The following CACNA1F variants were observed in gnomAD, a reference collection of about 807,000 sequenced individuals.
The protein encoded by CACNA1F is calcium voltage-gated channel subunit alpha1 F, also known as voltage-dependent L-type calcium channel subunit alpha-1F.
A neutral mutation model predicts 143.8 loss-of-function variants in CACNA1F; 59 were observed. The observed-to-expected ratio is 0.41, with a 90% CI of 0.33 to 0.51. The LOEUF (loss-of-function observed/expected upper bound fraction) is 0.51, where lower values mean the gene tolerates loss of function less well. Ranked by LOEUF, CACNA1F falls within the 20% of genes least tolerant of loss-of-function variation. The probability of loss-of-function intolerance (pLI) is 0.22; values close to 1 mark genes in which losing one functional copy is unlikely to be tolerated. For missense variants in CACNA1F, 1,411 were observed against 1,647.5 expected, an observed-to-expected ratio of 0.86 and a Z score of 2.48; for synonymous variants, 643 against 649.1, an observed-to-expected ratio of 0.99 and a Z score of 0.14.
rs1392622274 is a variant in CACNA1F at position 49,216,428 on chromosome X, C to A, written c.3190G>T (p.Ala1064Ser). 3 of 1,208,909 alleles carry A rather than the reference C, an allele frequency of 2.5e-6. No individual in the cohort carries two copies. Among genetic ancestry groups the A allele is most frequent in the African/African-American group, 3.5e-5 (2 of 57,218 alleles). Reference sequence around the variant, plus strand: ...GAGACAGTGAACAGGGCCATCATGGCTGAAAGGACATTGTCAAAGTTGAAA... The same window carrying A: ...GAGACAGTGAACAGGGCCATCATGGATGAAAGGACATTGTCAAAGTTGAAA... ...SDFNFDNVLS[A>S]MMALFTVSTF... Residue 1064 changes from alanine (A) to serine (S), a missense_variant, in exon 27 of 48, where the codon GCC (alanine) becomes TCC (serine). Around this residue, in one of 3 missense-constraint regions of CACNA1F, gnomAD observed 950 missense variants for 1,128.1 expected, o/e 0.84. Coordinates refer to ENST00000323022, the MANE Select transcript of CACNA1F (RefSeq NM_001256789.3).
At chrX:49,228,195 G>A in intron 7 of CACNA1F, 56 bp from the exon 8 acceptor site, 2 of 1,187,767 alleles carry the variant, frequency 1.7e-6, no homozygotes, top group East Asian at 5.9e-5. Context: ...CTGCGTGAGT[G>A]TCAGGGAGGA....
chrX:49,214,129 T>C, intron 30 of CACNA1F, 30 bp downstream of exon 30: 1 of 956,685 alleles, frequency 1.0e-6, no homozygotes, highest in Non-Finnish European at 1.5e-6. Flanking sequence ...ATTCATCCAC[T>C]GGTGGGTGGG....
rs782049869 is a variant in CACNA1F, at chrX:49,205,157, C to A, written c.5881G>T (p.Ala1961Ser). The change falls in exon 48 of 48, where the codon GCC (alanine) becomes TCC (serine). Residue 1961 changes from alanine to serine, a missense_variant. By Grantham distance (99) the Ala-to-Ser change is moderately conservative. This residue lies in a region of CACNA1F where 349 missense variants were observed against 350.2 expected (regional missense o/e 1.00). Coordinates refer to ENST00000323022, the MANE Select transcript of CACNA1F (RefSeq NM_001256789.3). ...FDEEDLGDEM[A>S]CVHAL ...GGAATTCAGAGGGCGTGGACGCAGG[C>A]CATCTCGTCTCCCAAGTCCTCCTCA... 10 of 1,206,968 alleles carry A rather than the reference C, an allele frequency of 8.3e-6. No individual in the cohort carries two copies. The East Asian group carries it at 2.7e-4, about 32-fold the overall frequency.
chrX:49,216,590 G>T, intron 26 of CACNA1F, 62 bp from the exon 27 acceptor site: 1 of 1,050,696 alleles, frequency 9.5e-7, no homozygotes, highest in Non-Finnish European at 1.3e-6. Context: ...AAAGGGTCTG[G>T]GGTCTCCAGC....
At chrX:49,208,831 A>G in intron 42 of CACNA1F, 147 bp from the exon 43 acceptor site, 1 of 518,304 alleles carries the variant, frequency 1.9e-6, no homozygotes, top group Non-Finnish European at 3.3e-6. Context: ...ACGTAAATAA[A>G]TAAATAAATA....
In CACNA1F at chrX:49,205,070, C is replaced by T. The variant is rs1392112743; in HGVS notation, c.*67G>A. ...GACAACAAAATCCAGGGATGTGGTC[C>T]ATGCCTGCCTCCTGCTGGGGAGGGG... is the stretch of plus-strand genomic sequence containing the variant. On this transcript the variant is annotated 3_prime_UTR_variant, in exon 48 of 48. Transcript: ENST00000323022. The T allele has an allele frequency of 9.4e-6, 8 of 853,311 alleles. No individual in the cohort carries two copies. The African/African-American group carries it at 1.4e-4, about 15-fold the overall frequency. 70.3% of individuals were successfully genotyped at this position (853,311 alleles called of 1,213,427 possible). A position where few individuals can be genotyped will look rare whatever the true frequency, so the allele number is the denominator to read the frequency against.
intron 26 of CACNA1F, among the ~76,000 whole-genome samples, chrX:49,217,514 C>A (rs1184193169): frequency 9.0e-6 from 1 of 110,582 alleles, no homozygotes; most frequent in African/African-American, 3.3e-5. Context: ...AAGCTGGGGG[C>A]TCAGGGTGGG....
chrX:49,226,519 G>A lies in CACNA1F; in HGVS notation c.1370-17C>T, dbSNP rs2065826064. ...GGAGGCTGGCTGTAGGCAAGGTGGG[G>A]ATAGTGGTCAGGACCTGAAGACCCC... On this transcript the variant is annotated splice_polypyrimidine_tract_variant and intron_variant, in intron 10 of 47. Coordinates refer to ENST00000323022, the MANE Select transcript of CACNA1F (RefSeq NM_001256789.3). The A allele has an allele frequency of 1.7e-6, 2 of 1,173,702 alleles. No individual in the cohort carries two copies. The highest frequency in any genetic ancestry group is 2.3e-6 in the Non-Finnish European group (2 of 873,523).
In CACNA1F at chrX:49,207,003, A is replaced by C; in HGVS notation, c.5231+2T>G. ...TCATCCCATGTGGCATGGCCAGTGT[A>C]CCGATCAGGGACTTCCTCATCCTCA... On this transcript the variant is annotated splice_donor_variant, in intron 44 of 47. Transcript: ENST00000323022. LOFTEE classifies it high-confidence loss of function. 1 of 1,180,063 alleles carries C rather than the reference A, an allele frequency of 8.5e-7. No individual in the cohort carries two copies. Among genetic ancestry groups the C allele is most frequent in the Non-Finnish European group, 1.1e-6 (1 of 870,541 alleles).
intron 6 of CACNA1F, among the ~76,000 whole-genome samples, chrX:49,229,232 C>T (rs782664672): frequency 1.0e-3 from 113 of 111,547 alleles, no homozygotes; most frequent in African/African-American, 3.5e-3. Flanking sequence ...TCTCAGCTCA[C>T]TGCAACCTCC....
intron 43 of CACNA1F, 107 bp downstream of exon 43, chrX:49,208,408 T>C: frequency 1.9e-6 from 1 of 540,255 alleles, no homozygotes; most frequent in East Asian, 3.7e-5. Flanking sequence ...TGAAGGCCTC[T>C]AGGCCCTCCC....
At chrX:49,231,438 G>T in intron 2 of CACNA1F, 131 bp from the exon 3 acceptor site, 2 of 617,459 alleles carry the variant, frequency 3.2e-6, no homozygotes, top group South Asian at 2.4e-5. Context: ...CCCCTGCCCT[G>T]ACAAGGCCTT....
chrX:49,232,399 C>G (rs2065886797), intron 1 of CACNA1F, among the ~76,000 whole-genome samples: 1 of 111,345 alleles, frequency 9.0e-6, no homozygotes, highest in African/African-American at 3.3e-5. Flanking sequence ...TAAGGCCACT[C>G]CCAGTTCCCA....
chrX:49,232,262 AG>A (rs1327796556), intron 1 of CACNA1F, among the ~76,000 whole-genome samples: 1 of 111,246 alleles, frequency 9.0e-6, no homozygotes, highest in Non-Finnish European at 1.9e-5. Context: ...GTTTAGACAT[AG>A]GTAGGAGTGG....
chrX:49,206,963 C>A (rs373617229), intron 44 of CACNA1F, 42 bp downstream of exon 44: 1 of 1,084,263 alleles, frequency 9.2e-7, no homozygotes, highest in Admixed American at 2.3e-5. Flanking sequence ...CCCTCCTCCA[C>A]CCCAGCTCAT....
chrX:49,220,513 C>T lies in CACNA1F; in HGVS notation c.2346G>A (p.Val782=), dbSNP rs782007483. The T allele has an allele frequency of 8.3e-7, 1 of 1,206,288 alleles. No homozygotes were observed. The highest frequency in any genetic ancestry group is 1.1e-6 in the Non-Finnish European group (1 of 892,275). Residue 782 remains valine, a synonymous_variant, in exon 19 of 48, where the codon GTG becomes GTA. Coordinates refer to ENST00000323022, the MANE Select transcript of CACNA1F (RefSeq NM_001256789.3). ...TTGCACCCTCCTCTTCCTCTTTCTC[C>T]ACACCAGGCACCTGAGGACAGGAAG... ...PQENEGLVPG[V]EKEEEEGARR...
intron 26 of CACNA1F, among the ~76,000 whole-genome samples, chrX:49,216,965 T>C (rs907518072): frequency 1.8e-5 from 2 of 111,332 alleles, no homozygotes; most frequent in African/African-American, 6.5e-5. Flanking sequence ...TATTCTCTCT[T>C]TTTTTTTGAG....
In CACNA1F at chrX:49,215,354, C is replaced by T; in HGVS notation, c.3426G>A (p.Leu1142=). 8.3e-7 allele frequency: 1 copy of T among 1,210,466 alleles called. No individual in the cohort carries two copies. The highest frequency in any genetic ancestry group is 2.3e-4 in the Middle Eastern group (1 of 4,351). ...GGTCAGAGGTCACCTGGTTCTTGTC[C>T]AGCTCACAGTTTTGGTACTCCTGCT... The part of the protein sequence containing the change: ...QGEQEYQNCE[L]DKNQRQCVEY... The change falls in exon 28 of 48, where the codon CTG becomes CTA. Residue 1142 remains leucine (L), a synonymous_variant. Transcript: ENST00000323022.
chrX:49,208,431 C>CCAAA, intron 43 of CACNA1F, 84 bp downstream of exon 43: 12 of 611,264 alleles, frequency 2.0e-5, no homozygotes, highest in East Asian at 3.9e-5. Flanking sequence ...CCACCCCCCT[C>CCAAA]AACTTCCTGC....
Sources: allele counts gnomAD v4.1 joint callset (sites outside exome capture counted in the v4.1 genomes callset), GRCh38; gene constraint gnomAD v4.1.1; regional missense constraint gnomAD v4.1.1; transcripts MANE v1.5; gene names NCBI Gene and HGNC (gene_info 2026-07-23, HGNC 2026-07-21).